TAFA5: variants seen among roughly 807,000 people sequenced by gnomAD.
TAFA5 encodes the protein TAFA chemokine like family member 5, also known as chemokine-like protein TAFA-5.
In TAFA5, 6 loss-of-function variants were observed where a neutral mutation model predicts 15.3. The observed-to-expected ratio is 0.39, with a 90% confidence interval of 0.21 to 0.77. The LOEUF is 0.77. Ranked by LOEUF, TAFA5 falls within the 30% of genes least tolerant of loss-of-function variation. TAFA5 has a pLI of 0.41. For synonymous variants in TAFA5, 103 were observed against 80.7 expected (o/e 1.28, Z -1.48); for missense variants, 161 against 193.1 (o/e 0.83, Z 0.98).
intron 1 of TAFA5, among the ~76,000 whole-genome samples, chr22:48,611,154 T>C (rs1020633551): frequency 1.7e-4 from 26 of 152,258 alleles, no homozygotes; most frequent in African/African-American, 6.3e-4. Context: ...AGGCTGGTCT[T>C]GCACTCCTGA....
At chr22:48,710,538 G>A (rs1306027274) in intron 3 of TAFA5, among the ~76,000 whole-genome samples, 1 of 152,076 alleles carries the variant, frequency 6.6e-6, no homozygotes, top group Non-Finnish European at 1.5e-5. Flanking sequence ...GTCCAGGGCC[G>A]CCCAAGCAGC....
chr22:48,509,325 C>T (rs5768692), intron 1 of TAFA5, among the ~76,000 whole-genome samples: 2,653 of 152,254 alleles, frequency 0.017, 114 homozygotes, highest in East Asian at 0.17. Context: ...GATAAATACC[C>T]AGTAGTGGGA....
intron 2 of TAFA5, among the ~76,000 whole-genome samples, chr22:48,703,856 C>G (rs1928993399): frequency 6.6e-6 from 1 of 152,224 alleles, no homozygotes; most frequent in South Asian, 2.1e-4. Flanking sequence ...TCCTGCTGGC[C>G]CAGGCCCTGC....
intron 1 of TAFA5, among the ~76,000 whole-genome samples, chr22:48,610,799 G>A (rs1601613901): frequency 2.0e-5 from 3 of 152,202 alleles, no homozygotes; most frequent in South Asian, 2.1e-4. Flanking sequence ...GAATGCAGCC[G>A]AGCTGTCCCT....
intron 1 of TAFA5, among the ~76,000 whole-genome samples, chr22:48,539,615 G>A (rs149138930): frequency 6.6e-6 from 1 of 152,320 alleles, no homozygotes; most frequent in African/African-American, 2.4e-5. Flanking sequence ...AAGGTATGCT[G>A]TGCTGAGCTA....
intron 1 of TAFA5, among the ~76,000 whole-genome samples, chr22:48,528,790 G>A (rs771969175): frequency 1.3e-5 from 2 of 152,232 alleles, no homozygotes; most frequent in African/African-American, 2.4e-5. Flanking sequence ...GCAGCTGTGC[G>A]CTTGCACCAG....
intron 2 of TAFA5, among the ~76,000 whole-genome samples, chr22:48,654,255 C>T (rs942239835): frequency 2.0e-5 from 3 of 152,124 alleles, no homozygotes; most frequent in African/African-American, 7.2e-5. Context: ...GGCCAGACAC[C>T]TGGGCTGGGC....
At chr22:48,587,016 C>T (rs1180932826) in intron 1 of TAFA5, among the ~76,000 whole-genome samples, 2 of 152,240 alleles carry the variant, frequency 1.3e-5, no homozygotes, top group East Asian at 3.9e-4. Flanking sequence ...GACCCCCTGT[C>T]CAGGGTGCAG....
At chr22:48,716,273 G>A (rs1394419826) in intron 3 of TAFA5, among the ~76,000 whole-genome samples, 2 of 152,126 alleles carry the variant, frequency 1.3e-5, no homozygotes, top group Non-Finnish European at 1.5e-5. Flanking sequence ...CAACCCAAAT[G>A]CCCATCAATG....
chr22:48,701,637 C>T (rs903669733), intron 2 of TAFA5, among the ~76,000 whole-genome samples: 1 of 152,356 alleles, frequency 6.6e-6, no homozygotes, highest in Admixed American at 6.5e-5. Context: ...GTTGGACTTT[C>T]GGCAAATTGA....
chr22:48,688,948 C>T (rs1011957229), intron 2 of TAFA5, among the ~76,000 whole-genome samples: 29 of 147,606 alleles, frequency 2.0e-4, no homozygotes, highest in African/African-American at 5.8e-4. Flanking sequence ...GCCAAAATCG[C>T]ACCACTGCAC....
At chr22:48,531,105 C>T (rs569919344) in intron 1 of TAFA5, among the ~76,000 whole-genome samples, 7 of 150,382 alleles carry the variant, frequency 4.7e-5, no homozygotes, top group African/African-American at 1.7e-4. Context: ...ACACTGCCTG[C>T]CGACGTGGCT....
intron 1 of TAFA5, among the ~76,000 whole-genome samples, chr22:48,592,782 C>T (rs940310046): frequency 1.3e-5 from 2 of 152,212 alleles, no homozygotes; most frequent in African/African-American, 2.4e-5. Context: ...AGAAACCGAG[C>T]AGAAACACAG....
intron 1 of TAFA5, among the ~76,000 whole-genome samples, chr22:48,508,993 A>G (rs1601840215): frequency 6.6e-6 from 1 of 152,318 alleles, no homozygotes; most frequent in South Asian, 2.1e-4. Context: ...TCTAATAACC[A>G]TAATTCTCCT....
intron 3 of TAFA5, among the ~76,000 whole-genome samples, chr22:48,738,528 C>T (rs867706884): frequency 6.6e-6 from 1 of 152,038 alleles, no homozygotes; most frequent in African/African-American, 2.4e-5. Flanking sequence ...TTGTACAGAG[C>T]CCCCCAGCTC....
intron 1 of TAFA5, among the ~76,000 whole-genome samples, chr22:48,521,472 A>G (rs932313143): frequency 6.6e-6 from 1 of 151,594 alleles, no homozygotes; most frequent in Admixed American, 6.6e-5. Flanking sequence ...TGCTAATGAT[A>G]TTGTTTGTTC....
intron 1 of TAFA5, among the ~76,000 whole-genome samples, chr22:48,547,594 G>C (rs956354917): frequency 6.6e-6 from 1 of 152,098 alleles, no homozygotes; most frequent in Non-Finnish European, 1.5e-5. Context: ...AGAGCCGCTC[G>C]TGTTCAGGGG....
intron 1 of TAFA5, among the ~76,000 whole-genome samples, chr22:48,618,168 C>A (rs542016873): frequency 6.6e-6 from 1 of 152,242 alleles, no homozygotes; most frequent in East Asian, 1.9e-4. Flanking sequence ...CTGGCCAAGC[C>A]GTGGATACCT....
At chr22:48,539,173 G>C (rs915032746) in intron 1 of TAFA5, 10 of 311,908 alleles carry the variant, frequency 3.2e-5, no homozygotes, top group African/African-American at 1.9e-4. Flanking sequence ...TCAGATCTTG[G>C]TTTCTTGGTA....
Sources: allele counts gnomAD v4.1 joint callset (sites outside exome capture counted in the v4.1 genomes callset), GRCh38; gene constraint gnomAD v4.1.1; transcripts MANE v1.5; gene names NCBI Gene and HGNC (gene_info 2026-07-23, HGNC 2026-07-21).